Variants in GLIS3 observed in about 807,000 individuals in gnomAD.
GLIS3 encodes the protein zinc finger protein GLIS3.
In GLIS3, 53 loss-of-function variants were observed where a neutral mutation model predicts 78.6. That is an observed-to-expected ratio of 0.67 (90% CI 0.54 to 0.85). GLIS3 has a LOEUF of 0.85. Ranked by LOEUF, GLIS3 falls within the 40% of genes least tolerant of loss-of-function variation. The pLI, the probability that GLIS3 is intolerant of heterozygous loss-of-function variation, is 0.00. For missense variants in GLIS3, 1,703 were observed against 1,231.1 expected (o/e 1.38, Z -5.74); for synonymous variants, 684 against 509.9 (o/e 1.34, Z -4.60).
At chr9:4,488,872 CTTTT>C in the GLIS3 span, among the ~76,000 whole-genome samples, 1 of 151,710 alleles carries the variant, frequency 6.6e-6, no homozygotes, top group Non-Finnish European at 1.5e-5. Context: ...TTCTTTCTTT[CTTTT>C]TTCTTTTTTT....
At chr9:4,215,860 A>G (rs897160333) in intron 2 of GLIS3, among the ~76,000 whole-genome samples, 1 of 152,342 alleles carries the variant, frequency 6.6e-6, no homozygotes, top group East Asian at 1.9e-4. Flanking sequence ...AGGCACACTC[A>G]GTAGTTTTCA....
chr9:4,044,244 CCAGA>C (rs1167141825), intron 4 of GLIS3, among the ~76,000 whole-genome samples: 2 of 152,188 alleles, frequency 1.3e-5, no homozygotes, highest in East Asian at 3.8e-4. Context: ...ACCTGTGAAA[CCAGA>C]CACTCTCCAT....
At chr9:4,063,084 A>C (rs1826793234) in intron 4 of GLIS3, among the ~76,000 whole-genome samples, 1 of 150,936 alleles carries the variant, frequency 6.6e-6, no homozygotes, top group African/African-American at 2.5e-5. Flanking sequence ...TGAGTTCCAT[A>C]TCTGCAAAAA....
At position 4,118,040 on chromosome 9, in the gene GLIS3, G is replaced by A; in HGVS notation, c.1438C>T (p.Leu480=). 2 of 1,594,692 alleles carry A rather than the reference G, an allele frequency of 1.3e-6. No homozygotes were observed. Among genetic ancestry groups the A allele is most frequent in the Non-Finnish European group, 1.7e-6 (2 of 1,170,292 alleles). ...TCCAGGGTGGCCTGGGGCAAGGCCA[G>A]CTGCTGGGCGTGGGGCCCGAGCTCC... ...HPELGPHAQQ[L]ALPQATLDDD... The change falls in exon 4 of 11, where the codon CTG becomes TTG. Residue 480 remains leucine, a synonymous_variant. Coordinates refer to ENST00000381971, the MANE Select transcript of GLIS3 (RefSeq NM_001042413.2). The surrounding 1 kb of genome is among the most constrained non-coding windows in gnomAD (Gnocchi z 4.7).
intron 2 of GLIS3, among the ~76,000 whole-genome samples, chr9:4,230,679 C>T (rs1822179373): frequency 6.6e-6 from 1 of 152,154 alleles, no homozygotes. Context: ...ATGGACTGCG[C>T]ATGGGGAACC....
At chr9:3,843,356 T>C (rs1818838737) in intron 9 of GLIS3, among the ~76,000 whole-genome samples, 1 of 152,218 alleles carries the variant, frequency 6.6e-6, no homozygotes, top group African/African-American at 2.4e-5. Flanking sequence ...GTCTCTATTA[T>C]ATATGGTTAG....
At chr9:3,898,997 T>C in intron 6 of GLIS3, 162 bp from the exon 7 acceptor site, 1 of 844,860 alleles carries the variant, frequency 1.2e-6, no homozygotes, top group Non-Finnish European at 1.9e-6. Context: ...AATAAAAGGA[T>C]CAGTTCTCCA....
the GLIS3 span, among the ~76,000 whole-genome samples, chr9:4,474,072 G>A: frequency 1.3e-5 from 2 of 152,206 alleles, no homozygotes; most frequent in African/African-American, 4.8e-5. Flanking sequence ...TTCAGAAAGT[G>A]TTTTTCTGTG....
intron 4 of GLIS3, among the ~76,000 whole-genome samples, chr9:4,025,453 T>C (rs898815368): frequency 2.0e-5 from 3 of 152,088 alleles, no homozygotes; most frequent in Non-Finnish European, 4.4e-5. Context: ...GGTGGCGTGA[T>C]CTTGGCTCAC....
At chr9:4,194,448 A>C (rs182677672) in intron 2 of GLIS3, among the ~76,000 whole-genome samples, 2 of 152,352 alleles carry the variant, frequency 1.3e-5, no homozygotes, top group East Asian at 3.9e-4. Flanking sequence ...CATAAATGTC[A>C]TAAATTATTT....
upstream of GLIS3, among the ~76,000 whole-genome samples, chr9:4,301,396 T>G (rs899127737): frequency 9.9e-5 from 15 of 152,168 alleles, no homozygotes; most frequent in Non-Finnish European, 1.9e-4. Context: ...ACTCATAAAA[T>G]GAAGCATGCA....
rs1587310455 is a variant in GLIS3, at chr9:4,286,122, G to C, written c.304C>G (p.Gln102Glu). 4 of 1,613,680 alleles carry C rather than the reference G, an allele frequency of 2.5e-6. No homozygotes were observed. Among genetic ancestry groups the C allele is most frequent in the Non-Finnish European group, 3.4e-6 (4 of 1,179,552 alleles). Residue 102 changes from glutamine (Q) to glutamate (E), a missense_variant, in exon 2 of 11, where the codon CAG (glutamine) becomes GAG (glutamate). Coordinates refer to ENST00000381971, the MANE Select transcript of GLIS3 (RefSeq NM_001042413.2). ...TGTGACCCTGACATGCCTCCAGCCTGGGTGACCTGGAATCGCGGCTTCCCA... is the reference window on the plus strand; with the variant it reads ...TGTGACCCTGACATGCCTCCAGCCTCGGTGACCTGGAATCGCGGCTTCCCA... ...TNGKPRFQVT[Q>E]AGGMSGSHTL...
In GLIS3 at chr9:4,286,236, A is replaced by G; in HGVS notation, c.190T>C (p.Ser64Pro). Residue 64 changes from serine (S) to proline (P), a missense_variant, in exon 2 of 11, where the codon TCA becomes CCA. Ser to Pro is a moderately conservative substitution (Grantham distance 74, BLOSUM62 -1). Coordinates refer to ENST00000381971, the MANE Select transcript of GLIS3 (RefSeq NM_001042413.2). ...LANNLHLKMP[S>P]GGGMAPQNNV... ...TTCTGAGGAGCCATCCCTCCTCCTG[A>G]GGGCATCTTGAGATGGAGGTTGTTA... 1 of 1,614,204 alleles carries G rather than the reference A, an allele frequency of 6.2e-7. No individual in the cohort carries two copies. The highest frequency in any genetic ancestry group is 8.5e-7 in the Non-Finnish European group (1 of 1,180,028).
intron 6 of GLIS3, among the ~76,000 whole-genome samples, chr9:3,926,151 T>C: frequency 6.6e-6 from 1 of 152,130 alleles, no homozygotes; most frequent in East Asian, 1.9e-4. Flanking sequence ...TCTATTGCTA[T>C]AGTTTAGTAG....
chr9:4,332,478 A>G (rs1374982049), intron 2 of GLIS3, among the ~76,000 whole-genome samples: 1 of 152,220 alleles, frequency 6.6e-6, no homozygotes, highest in Non-Finnish European at 1.5e-5. Context: ...CTTTTTCACA[A>G]AACCACTTAC....
At chr9:3,856,369 T>C (rs1256791108) in intron 8 of GLIS3, among the ~76,000 whole-genome samples, 185 bp from the exon 9 acceptor site, 1 of 152,076 alleles carries the variant, frequency 6.6e-6, no homozygotes, top group African/African-American at 2.4e-5. Flanking sequence ...ATTTAACCAC[T>C]GAGTTCTCAA....
intron 2 of GLIS3, among the ~76,000 whole-genome samples, chr9:4,219,465 C>G (rs1317395864): frequency 6.6e-6 from 1 of 152,190 alleles, no homozygotes; most frequent in Admixed American, 6.5e-5. Flanking sequence ...GTCACTGTTT[C>G]CTATGCACAT....
At chr9:4,461,342 T>C in the GLIS3 span, among the ~76,000 whole-genome samples, 1 of 150,156 alleles carries the variant, frequency 6.7e-6, no homozygotes, top group African/African-American at 2.4e-5. Context: ...ACACAGGGAA[T>C]ACATTTTTCA....
At chr9:4,353,053 A>T (rs1476153588), upstream of GLIS3, among the ~76,000 whole-genome samples, 3 of 152,092 alleles carry the variant, frequency 2.0e-5, no homozygotes, top group African/African-American at 4.8e-5. Context: ...AAGTTTTTTC[A>T]GCCTGGGGTA....
Sources: allele counts gnomAD v4.1 joint callset (sites outside exome capture counted in the v4.1 genomes callset), GRCh38; gene constraint gnomAD v4.1.1; non-coding constraint Gnocchi (gnomAD v3.1); transcripts MANE v1.5; gene names NCBI Gene and HGNC (gene_info 2026-07-23, HGNC 2026-07-21).